Variants in STPG2 observed in about 807,000 individuals in gnomAD.
STPG2 encodes sperm-tail PG-rich repeat-containing protein 2.
Under a neutral mutation model 54.2 loss-of-function variants are expected in STPG2, and 56 were observed. That is an observed-to-expected ratio of 1.03 (90% CI 0.83 to 1.29). The LOEUF (loss-of-function observed/expected upper bound fraction) is 1.29. Ranked by LOEUF, STPG2 falls within the 50% of genes most tolerant of loss-of-function variation. The pLI is 0.00. For synonymous variants in STPG2, 200 were observed against 181.8 expected (o/e 1.10, Z -0.81); for missense variants, 596 against 544.9 (o/e 1.09, Z -0.93).
chr4:98,034,375 G>C (rs1256177613), intron 5 of STPG2, among the ~76,000 whole-genome samples: 2 of 152,066 alleles, frequency 1.3e-5, no homozygotes, highest in African/African-American at 4.8e-5. Flanking sequence ...AAAATACCTA[G>C]GAATACAACT....
At position 97,988,507 on chromosome 4, in the gene STPG2, G is replaced by A. The variant is rs1214332926; in HGVS notation, c.613-7189C>T. On this transcript the variant is annotated intron_variant, in intron 5 of 10. Transcript: ENST00000295268. ...TTGCAAGAAGAATGGATGGGTACAT[G>A]AATTGAATCCTACATTTTCACTGAC... Among the ~76,000 whole-genome samples, 3 of 152,186 alleles carry A rather than the reference G, an allele frequency of 2.0e-5. No homozygotes were observed. In the East Asian group the frequency reaches 5.8e-4, roughly 29 times the overall value.
chr4:97,511,718 T>C (rs143886208), intron 4 of STPG2, among the ~76,000 whole-genome samples: 18 of 152,166 alleles, frequency 1.2e-4, no homozygotes, highest in Non-Finnish European at 2.6e-4. Flanking sequence ...TACTTGAGGA[T>C]CGCTTACCAT....
intron 7 of STPG2, among the ~76,000 whole-genome samples, chr4:97,958,455 A>G (rs1045677210): frequency 6.6e-6 from 1 of 152,214 alleles, no homozygotes; most frequent in Non-Finnish European, 1.5e-5. Context: ...TGCAGAAGGA[A>G]TAAGAATTTA....
intron 9 of STPG2, among the ~76,000 whole-genome samples, chr4:97,721,454 C>G (rs541309757): frequency 2.2e-4 from 34 of 152,148 alleles, no homozygotes; most frequent in Admixed American, 9.8e-4. Context: ...AGTCAAGAAG[C>G]AAATATCAAA....
intron 8 of STPG2, among the ~76,000 whole-genome samples, chr4:97,875,703 T>C (rs1301823346): frequency 2.0e-5 from 3 of 151,772 alleles, no homozygotes; most frequent in East Asian, 1.9e-4. Flanking sequence ...TAAGACACAA[T>C]TGGACAAAAA....
chr4:97,474,884 G>C (rs182077367), intron 4 of STPG2, among the ~76,000 whole-genome samples: 131 of 151,994 alleles, frequency 8.6e-4, no homozygotes, highest in African/African-American at 2.8e-3. Context: ...TACACATAAA[G>C]ATTTAACTTA....
chr4:97,833,826 G>A (rs1371093083), intron 9 of STPG2, among the ~76,000 whole-genome samples: 2 of 152,162 alleles, frequency 1.3e-5, no homozygotes, highest in Non-Finnish European at 2.9e-5. Context: ...TCTCACGCCA[G>A]TTAGAATGGT....
chr4:97,608,874 G>A (rs1228175669), intron 10 of STPG2, among the ~76,000 whole-genome samples: 1 of 151,850 alleles, frequency 6.6e-6, no homozygotes, highest in African/African-American at 2.4e-5. Context: ...TTGGCATGTC[G>A]CTCTCATGAA....
chr4:97,448,978 T>C (rs1197146996), intron 4 of STPG2, among the ~76,000 whole-genome samples: 1 of 152,090 alleles, frequency 6.6e-6, no homozygotes, highest in Non-Finnish European at 1.5e-5. Context: ...AATGAACTCA[T>C]TAACATAAAC....
chr4:97,813,721 A>C (rs1360272265), intron 9 of STPG2, among the ~76,000 whole-genome samples: 1 of 125,992 alleles, frequency 7.9e-6, no homozygotes, highest in African/African-American at 2.8e-5. Context: ...AGCATGTTTT[A>C]TAAATAAAAA....
chr4:97,517,870 C>T (rs1578357513), intron 4 of STPG2, among the ~76,000 whole-genome samples: 2 of 151,938 alleles, frequency 1.3e-5, no homozygotes, highest in Admixed American at 6.6e-5. Context: ...GTTCATTTTC[C>T]TGTTTGAAAT....
At chr4:98,067,177 CACTT>C (rs1737860589) in intron 5 of STPG2, among the ~76,000 whole-genome samples, 1 of 152,076 alleles carries the variant, frequency 6.6e-6, no homozygotes, top group Non-Finnish European at 1.5e-5. Context: ...TATATGAAAA[CACTT>C]ACACAGTGGA....
chr4:97,683,571 C>T (rs1723096751), intron 10 of STPG2, among the ~76,000 whole-genome samples: 1 of 151,622 alleles, frequency 6.6e-6, no homozygotes, highest in Admixed American at 6.6e-5. Context: ...AACCCATATC[C>T]ATTTATAACA....
At chr4:97,527,729 A>G (rs1006914973) in intron 4 of STPG2, among the ~76,000 whole-genome samples, 2 of 152,060 alleles carry the variant, frequency 1.3e-5, no homozygotes, top group Non-Finnish European at 2.9e-5. Flanking sequence ...TTGTTTTGAT[A>G]TGCATTTCTC....
rs1367170509 is a variant in STPG2, at chr4:97,888,684, G to C, written c.1045-47752C>G. Among the ~76,000 whole-genome samples, 6 of 152,112 alleles carry C rather than the reference G, an allele frequency of 3.9e-5. No individual in the cohort carries two copies. In the South Asian group the frequency reaches 1.2e-3, roughly 31 times the overall value. On this transcript the variant is annotated intron_variant, in intron 8 of 10. Transcript: ENST00000295268. ...CAATGCTGAAATGATTTAAGACTTTGGGAAACTGTTAAGAAGAGATTATTG... is the reference window on the plus strand; with the variant it reads ...CAATGCTGAAATGATTTAAGACTTTCGGAAACTGTTAAGAAGAGATTATTG...
intron 1 of STPG2, among the ~76,000 whole-genome samples, chr4:98,142,471 A>G (rs1740324201): frequency 6.6e-6 from 1 of 152,076 alleles, no homozygotes; most frequent in African/African-American, 2.4e-5. Flanking sequence ...TCCCCACTCC[A>G]CTGGTCAAAA....
intron 7 of STPG2, among the ~76,000 whole-genome samples, chr4:97,954,050 T>C (rs1185029775): frequency 6.6e-6 from 1 of 152,178 alleles, no homozygotes; most frequent in African/African-American, 2.4e-5. Context: ...CCAAAACATT[T>C]TGCAGTTTTT....
intron 10 of STPG2, among the ~76,000 whole-genome samples, chr4:97,616,055 T>TAA (rs1264503548): frequency 1.6e-5 from 1 of 62,908 alleles, no homozygotes; most frequent in Non-Finnish European, 2.7e-5. Context: ...AAAATACATA[T>TAA]AAATATATAT....
intron 4 of STPG2, among the ~76,000 whole-genome samples, chr4:97,538,305 T>C (rs1404353275): frequency 2.6e-5 from 4 of 152,118 alleles, no homozygotes. Flanking sequence ...AAAGATTAGA[T>C]GAATGGCTAA....
Sources: gnomAD v4.1 joint callset for allele counts (sites outside exome capture counted in the v4.1 genomes callset) on GRCh38, gnomAD v4.1.1 for gene constraint, MANE v1.5 for transcripts, NCBI Gene and HGNC (gene_info 2026-07-23, HGNC 2026-07-21) for gene names.